The following ARHGEF12 variants were observed in gnomAD, a reference collection of about 807,000 sequenced individuals.
The protein encoded by ARHGEF12 is KMT2A/ARHGEF12 fusion protein.
Under a neutral mutation model 211.2 loss-of-function variants are expected in ARHGEF12, and 66 were observed. The observed-to-expected ratio is 0.31, with a 90% CI of 0.26 to 0.38. ARHGEF12 has a LOEUF of 0.38. Among genes scored for constraint, ARHGEF12 ranks in the 10% least tolerant of loss-of-function variants. The probability of loss-of-function intolerance (pLI) is 1.00; values close to 1 mark genes in which losing one functional copy is unlikely to be tolerated. For missense variants in ARHGEF12, 1,429 were observed against 1,869.5 expected, an observed-to-expected ratio of 0.76 and a Z score of 4.34; for synonymous variants, 592 against 638.4, an observed-to-expected ratio of 0.93 and a Z score of 1.09.
At chr11:120,379,989 C>T (rs1172585556) in intron 1 of ARHGEF12, among the ~76,000 whole-genome samples, 3 of 152,056 alleles carry the variant, frequency 2.0e-5, no homozygotes, top group Non-Finnish European at 1.5e-5. Flanking sequence ...TGGGAAGTGT[C>T]ATGTGTTTTC....
rs977398647 is a variant in ARHGEF12 at position 120,364,197 on chromosome 11, A to G, written c.32+26922A>G. ...TAAATAAGGGTTATGGTGCTGTAGT[A>G]TAAGGCCAAATCTTGGGCACCAAAC... On this transcript the variant is annotated intron_variant, in intron 1 of 40. Coordinates refer to ENST00000397843, the MANE Select transcript of ARHGEF12 (RefSeq NM_015313.3). 7.2e-5 allele frequency among the ~76,000 whole-genome samples: 11 copies of G among 152,208 alleles called. 1 individual carries two copies. Among genetic ancestry groups the G allele is most frequent in the Admixed American group, 2.0e-4 (3 of 15,278 alleles).
chr11:120,338,662 C>T (rs370495927), intron 1 of ARHGEF12, among the ~76,000 whole-genome samples: 27 of 152,198 alleles, frequency 1.8e-4, no homozygotes, highest in African/African-American at 6.3e-4. Flanking sequence ...TCTGAGAAAT[C>T]ACTTTTACGG....
At chr11:120,484,284 C>T (rs1947339946) in intron 39 of ARHGEF12, among the ~76,000 whole-genome samples, 154 bp from the exon 40 acceptor site, 2 of 152,042 alleles carry the variant, frequency 1.3e-5, no homozygotes, top group Admixed American at 1.3e-4. Flanking sequence ...TTTTTCTTCC[C>T]ACTAATGAAA....
chr11:120,424,367 A>T lies in ARHGEF12; in HGVS notation c.358A>T (p.Thr120Ser). 1 of 1,612,706 alleles carries T rather than the reference A, an allele frequency of 6.2e-7. No homozygotes were observed. Reference protein sequence around the residue: ...TGDRIIKVNGTLVTHSNHLEV... With the variant: ...TGDRIIKVNGSLVTHSNHLEV... ...TTTCGTTTTCTTACAGGTGAATGGAACTCTGGTGACTCATTCAAATCATCT... is the reference window on the plus strand; with the variant it reads ...TTTCGTTTTCTTACAGGTGAATGGATCTCTGGTGACTCATTCAAATCATCT... The change falls in exon 7 of 41, where the codon ACT becomes TCT. Residue 120 changes from threonine (T) to serine (S), a missense_variant. Thr to Ser is a moderately conservative substitution (Grantham distance 58). Around this residue, in one of 7 missense-constraint regions of ARHGEF12, gnomAD observed 60 missense variants for 121.0 expected, o/e 0.50. Transcript: ENST00000397843.
intron 39 of ARHGEF12, among the ~76,000 whole-genome samples, chr11:120,484,105 A>G (rs1172225010): frequency 6.6e-6 from 1 of 152,190 alleles, no homozygotes; most frequent in Non-Finnish European, 1.5e-5. Flanking sequence ...CCATGTCTTT[A>G]TGTGCTGCAT....
Position 120,481,542 on chromosome 11 carries a change from T to C in ARHGEF12, c.4520T>C (p.Ile1507Thr). Residue 1507 changes from isoleucine to threonine, a missense_variant, in exon 39 of 41, where the codon ATT (isoleucine) becomes ACT (threonine). By Grantham distance (89) the Ile-to-Thr change is moderately conservative. Transcript: ENST00000397843. ...ADSQSQIMEYIHKIEADLEHL... is the reference protein window; with the variant it reads ...ADSQSQIMEYTHKIEADLEHL... ...TCACAGAGCCAGATCATGGAGTACATTCATAAGATAGAGGCTGACCTTGAA... is the reference window on the plus strand; with the variant it reads ...TCACAGAGCCAGATCATGGAGTACACTCATAAGATAGAGGCTGACCTTGAA... The C allele has an allele frequency of 6.2e-7, 1 of 1,614,176 alleles. No individual in the cohort carries two copies. The highest frequency in any genetic ancestry group is 8.5e-7 in the Non-Finnish European group (1 of 1,180,028).
intron 10 of ARHGEF12, among the ~76,000 whole-genome samples, chr11:120,430,760 G>A (rs922629963): frequency 1.3e-5 from 2 of 152,094 alleles, no homozygotes; most frequent in Non-Finnish European, 2.9e-5. Context: ...AAAAAATTAT[G>A]TTATAATTGA....
At chr11:120,379,927 A>G (rs1943832797) in intron 1 of ARHGEF12, among the ~76,000 whole-genome samples, 1 of 151,846 alleles carries the variant, frequency 6.6e-6, no homozygotes. Flanking sequence ...TTTTCTTGTA[A>G]TGTCATTGCC....
At position 120,469,268 on chromosome 11, in the gene ARHGEF12, G is replaced by T. The variant is rs1946800486; in HGVS notation, c.2855-20G>T. 6.3e-7 allele frequency: 1 copy of T among 1,580,756 alleles called. No homozygotes were observed. Among genetic ancestry groups the T allele is most frequent in the East Asian group, 2.2e-5 (1 of 44,682 alleles). On this transcript the variant is annotated intron_variant, in intron 29 of 40. Transcript: ENST00000397843. ...TTTTGCTCAGTTCTTTTACATTTTGGATTTCTTTCCCATATTTAGAATGGC... is the reference window on the plus strand; with the variant it reads ...TTTTGCTCAGTTCTTTTACATTTTGTATTTCTTTCCCATATTTAGAATGGC...
chr11:120,406,047 A>C, intron 1 of ARHGEF12, 71 bp from the exon 2 acceptor site: 1 of 1,155,302 alleles, frequency 8.7e-7, no homozygotes, highest in Non-Finnish European at 1.3e-6. Flanking sequence ...GTTCAGTAGG[A>C]TGAATAAATT....
At chr11:120,367,690 G>A (rs556616173) in intron 1 of ARHGEF12, among the ~76,000 whole-genome samples, 1 of 152,064 alleles carries the variant, frequency 6.6e-6, no homozygotes, top group Admixed American at 6.5e-5. Context: ...TGATAAAATA[G>A]CTGAGTGCAG....
intron 30 of ARHGEF12, among the ~76,000 whole-genome samples, chr11:120,471,688 A>T (rs972046390): frequency 4.6e-5 from 7 of 152,238 alleles, no homozygotes; most frequent in Non-Finnish European, 7.3e-5. Context: ...ATTTATTTTG[A>T]AATGCATCCA....
chr11:120,477,932 G>C (rs1947105973), intron 36 of ARHGEF12, among the ~76,000 whole-genome samples: 1 of 151,818 alleles, frequency 6.6e-6, no homozygotes, highest in Non-Finnish European at 1.5e-5. Context: ...ATACTGTTTG[G>C]TTTATGCAGG....
intron 26 of ARHGEF12, 50 bp downstream of exon 26, chr11:120,459,370 A>C (rs763551403): frequency 4.4e-6 from 7 of 1,574,826 alleles, no homozygotes; most frequent in Non-Finnish European, 6.0e-6. Flanking sequence ...CAATAGAGAA[A>C]AGATTGTGAG....
Position 120,474,548 on chromosome 11 carries a change from T to G in ARHGEF12, c.3034-12T>G. 6.2e-7 allele frequency: 1 copy of G among 1,605,962 alleles called. No homozygotes were observed. Among genetic ancestry groups the G allele is most frequent in the South Asian group, 1.1e-5 (1 of 89,998 alleles). On this transcript the variant is annotated splice_polypyrimidine_tract_variant and intron_variant, in intron 31 of 40. Coordinates refer to ENST00000397843, the MANE Select transcript of ARHGEF12 (RefSeq NM_015313.3). ...GGAAATTATTTGTGCATGATTTTCT[T>G]TATTTTGCCAGAATTTGGATTTAAC...
chr11:120,398,571 G>T (rs1944458221), intron 1 of ARHGEF12, among the ~76,000 whole-genome samples: 1 of 151,826 alleles, frequency 6.6e-6, no homozygotes, highest in African/African-American at 2.4e-5. Context: ...CAGAAAGTGT[G>T]TTTTTTTTGT....
chr11:120,373,263 T>G (rs188031267), intron 1 of ARHGEF12, among the ~76,000 whole-genome samples: 1 of 152,346 alleles, frequency 6.6e-6, no homozygotes, highest in East Asian at 1.9e-4. Flanking sequence ...CACCATTAAC[T>G]TCCTTTACAC....
Position 120,352,293 on chromosome 11 carries a change from C to G in ARHGEF12, c.32+15018C>G, listed in dbSNP as rs538665853. Among the ~76,000 whole-genome samples the G allele has an allele frequency of 1.7e-4, 26 of 152,216 alleles. No individual in the cohort carries two copies. The South Asian group carries it at 5.4e-3, about 32-fold the overall frequency. ...ACATTGAACTTTTTTGATGCCTCAT[C>G]TGTGTTGCTTATAGATCATTTTCCA... On this transcript the variant is annotated intron_variant, in intron 1 of 40. Coordinates refer to ENST00000397843, the MANE Select transcript of ARHGEF12 (RefSeq NM_015313.3).
At chr11:120,461,624 C>A (rs1946535146) in intron 27 of ARHGEF12, among the ~76,000 whole-genome samples, 1 of 152,176 alleles carries the variant, frequency 6.6e-6, no homozygotes, top group Non-Finnish European at 1.5e-5. Flanking sequence ...TTGATTTCTC[C>A]TCTCTAGCTA....
Sources: gnomAD v4.1 joint callset for allele counts (sites outside exome capture counted in the v4.1 genomes callset) on GRCh38, gnomAD v4.1.1 for gene constraint, gnomAD v4.1.1 regional missense constraint, MANE v1.5 for transcripts, NCBI Gene and HGNC (gene_info 2026-07-23, HGNC 2026-07-21) for gene names.